Variants in DGKI observed in about 807,000 individuals in gnomAD.
The protein encoded by DGKI is DAG kinase iota.
A neutral mutation model predicts 147.5 loss-of-function variants in DGKI; 55 were observed. That is an observed-to-expected ratio of 0.37 (90% CI 0.30 to 0.47). The LOEUF is 0.47. Ranked by LOEUF, DGKI falls within the 20% of genes least tolerant of loss-of-function variation. The pLI is 1.00. For missense variants in DGKI, 1,007 were observed against 1,323.8 expected, an observed-to-expected ratio of 0.76 and a Z score of 3.71; for synonymous variants, 469 against 477.1, an observed-to-expected ratio of 0.98 and a Z score of 0.22.
chr7:137,579,807 G>A (rs1819125213), intron 15 of DGKI, among the ~76,000 whole-genome samples: 1 of 152,092 alleles, frequency 6.6e-6, no homozygotes, highest in Non-Finnish European at 1.5e-5. Context: ...AAAGATTAAT[G>A]CTTGACATCT....
At chr7:137,438,254 A>T (rs375775575) in intron 28 of DGKI, among the ~76,000 whole-genome samples, 7 of 152,154 alleles carry the variant, frequency 4.6e-5, no homozygotes, top group Admixed American at 4.6e-4. Context: ...CAGGTGGGGA[A>T]AAGTGAGTAA....
intron 6 of DGKI, among the ~76,000 whole-genome samples, chr7:137,639,154 A>T (rs1001211594): frequency 6.6e-6 from 1 of 152,220 alleles, no homozygotes; most frequent in Admixed American, 6.5e-5. Flanking sequence ...ACTTGCTAAT[A>T]TCTAGTTTAT....
At chr7:137,412,374 C>T (rs987482240) in intron 28 of DGKI, among the ~76,000 whole-genome samples, 167 bp from the exon 29 acceptor site, 1 of 152,168 alleles carries the variant, frequency 6.6e-6, no homozygotes, top group Non-Finnish European at 1.5e-5. Context: ...AACCCTTCCC[C>T]ACCCAGGTAC....
At chr7:137,429,107 C>T (rs1585106476) in intron 28 of DGKI, among the ~76,000 whole-genome samples, 1 of 152,254 alleles carries the variant, frequency 6.6e-6, no homozygotes, top group South Asian at 2.1e-4. Context: ...CAATCCTAAG[C>T]CAAAAGAACA....
At chr7:137,673,943 A>T (rs1055247740) in intron 3 of DGKI, among the ~76,000 whole-genome samples, 12 of 152,240 alleles carry the variant, frequency 7.9e-5, no homozygotes, top group African/African-American at 2.9e-4. Flanking sequence ...CCCAGCTCAC[A>T]AACACTGACA....
At chr7:137,820,041 CTA>C (rs1797854223) in intron 1 of DGKI, among the ~76,000 whole-genome samples, 2 of 152,162 alleles carry the variant, frequency 1.3e-5, no homozygotes, top group East Asian at 3.8e-4. Context: ...ATGTGTAAGT[CTA>C]TGTTATTCAT....
chr7:137,506,076 T>C (rs992185291), intron 21 of DGKI, among the ~76,000 whole-genome samples: 3 of 152,182 alleles, frequency 2.0e-5, no homozygotes, highest in Admixed American at 6.5e-5. Context: ...AAATATACTC[T>C]TACCATGCAA....
chr7:137,424,550 G>T (rs911859125), intron 28 of DGKI, among the ~76,000 whole-genome samples: 13 of 152,136 alleles, frequency 8.5e-5, no homozygotes, highest in Admixed American at 8.5e-4. Context: ...GACAGTGGAT[G>T]CAGTGCACCG....
intron 1 of DGKI, among the ~76,000 whole-genome samples, chr7:137,730,832 C>T (rs1263615535): frequency 1.3e-5 from 2 of 152,060 alleles, no homozygotes; most frequent in African/African-American, 4.8e-5. Flanking sequence ...ATCACTTAAA[C>T]TCTCTCCATG....
At chr7:137,727,099 G>A (rs773318539) in intron 1 of DGKI, among the ~76,000 whole-genome samples, 33 of 151,956 alleles carry the variant, frequency 2.2e-4, no homozygotes, top group Non-Finnish European at 3.7e-4. Flanking sequence ...AGCTCCCAAA[G>A]CCACTTCCTA....
chr7:137,490,582 G>A (rs546114891), intron 21 of DGKI, among the ~76,000 whole-genome samples: 10 of 152,200 alleles, frequency 6.6e-5, no homozygotes, highest in Non-Finnish European at 8.8e-5. Context: ...AAAAAACAAC[G>A]TAGTAGAAAA....
intron 2 of DGKI, among the ~76,000 whole-genome samples, chr7:137,680,939 G>A (rs1823214340): frequency 6.6e-6 from 1 of 152,150 alleles, no homozygotes; most frequent in Non-Finnish European, 1.5e-5. Context: ...TCTGGGGTAA[G>A]AACAACCAAA....
At chr7:137,399,000 C>A (rs1811652159) in intron 30 of DGKI, among the ~76,000 whole-genome samples, 1 of 70,510 alleles carries the variant, frequency 1.4e-5, no homozygotes, top group Non-Finnish European at 3.8e-5. Flanking sequence ...TCCCAGGGTT[C>A]CATTTTTTTT....
intron 12 of DGKI, among the ~76,000 whole-genome samples, chr7:137,592,198 C>T (rs975825826): frequency 2.0e-5 from 3 of 152,156 alleles, no homozygotes; most frequent in Admixed American, 6.5e-5. Context: ...AACTCTGCCA[C>T]GGCTTTCGTA....
intron 26 of DGKI, among the ~76,000 whole-genome samples, chr7:137,465,179 C>T (rs1010709305): frequency 6.6e-6 from 1 of 152,028 alleles, no homozygotes; most frequent in African/African-American, 2.4e-5. Flanking sequence ...AGTAACATAA[C>T]CCTTTAGGTC....
intron 21 of DGKI, among the ~76,000 whole-genome samples, chr7:137,517,321 AAGAAAGAAAGAAAGAAAG>A (rs1563063979): frequency 5.4e-5 from 7 of 130,322 alleles, no homozygotes; most frequent in East Asian, 2.0e-4. Context: ...GAAAGAAAGA[AAGAAAGAAAGAAAGAAAG>A]AGAAAGAAAG....
intron 1 of DGKI, among the ~76,000 whole-genome samples, chr7:137,845,425 A>C (rs1047661774): frequency 2.6e-5 from 4 of 152,180 alleles, no homozygotes; most frequent in Non-Finnish European, 4.4e-5. Flanking sequence ...ACACTAACTC[A>C]GAAAGAGTAG....
chr7:137,446,299 T>A lies in DGKI; in HGVS notation c.2736-2197A>T, dbSNP rs141243694. On this transcript the variant is annotated intron_variant, in intron 27 of 32. Transcript: ENST00000614521. ...TGGATAAAATATCAATTTCAGAGTG[T>A]TTTGTGAAAATTAGTCATGTTGAGT... 2.6e-5 allele frequency among the ~76,000 whole-genome samples: 4 copies of A among 152,320 alleles called. No homozygotes were observed. In the East Asian group the frequency reaches 7.7e-4, roughly 29 times the overall value.
rs1035066000 is a variant in DGKI, at chr7:137,594,614, G to A, written c.1311+3233C>T. Among the ~76,000 whole-genome samples, 5 of 152,248 alleles carry A rather than the reference G, an allele frequency of 3.3e-5. No individual in the cohort carries two copies. The South Asian group carries it at 8.3e-4, about 25-fold the overall frequency. On this transcript the variant is annotated intron_variant, in intron 12 of 32. Coordinates refer to ENST00000614521, the MANE Select transcript of DGKI (RefSeq NM_001321708.2). The stretch of plus-strand genomic sequence containing the variant: ...TACAGTGACAGATGTGCTCACTAAC[G>A]AAAGGCTGAATACCTTGTGTCAAAT...
Sources: allele counts gnomAD v4.1 joint callset (sites outside exome capture counted in the v4.1 genomes callset), GRCh38; gene constraint gnomAD v4.1.1; transcripts MANE v1.5; gene names NCBI Gene and HGNC (gene_info 2026-07-23, HGNC 2026-07-21).